Variants in SPOCK1 observed in about 807,000 individuals in gnomAD.
SPOCK1 encodes testican-1.
A neutral mutation model predicts 55.3 loss-of-function variants in SPOCK1; 23 were observed. That is an observed-to-expected ratio of 0.42 (90% CI 0.30 to 0.59). The LOEUF (loss-of-function observed/expected upper bound fraction) is 0.59, where lower values mean the gene tolerates loss of function less well. Ranked by LOEUF, SPOCK1 falls within the 20% of genes least tolerant of loss-of-function variation. The pLI is 0.22. For synonymous variants in SPOCK1, 226 were observed against 221.0 expected (o/e 1.02, Z -0.20); for missense variants, 499 against 552.5 (o/e 0.90, Z 0.97).
In SPOCK1 at chr5:136,975,417, G is replaced by A. The variant is rs912158439; in HGVS notation, c.*3237C>T. 6.6e-6 allele frequency: 1 copy of A among 152,624 alleles called. No homozygotes were observed. The highest frequency in any genetic ancestry group is 2.4e-5 in the African/African-American group (1 of 41,450). The allele number at this position is 152,624 out of a possible 1,614,324, so 9.5% of individuals were successfully genotyped here. On this transcript the variant is annotated 3_prime_UTR_variant, in exon 11 of 11. Transcript: ENST00000394945. ...ATTCCAGATAAGTCTACGTGGAAAAGCATTCAGAATTTACTAGGTTTTTGC... is the reference window on the plus strand; with the variant it reads ...ATTCCAGATAAGTCTACGTGGAAAAACATTCAGAATTTACTAGGTTTTTGC...
At chr5:136,982,813 TTAAG>T (rs1285925729) in intron 9 of SPOCK1, among the ~76,000 whole-genome samples, 1 of 152,198 alleles carries the variant, frequency 6.6e-6, no homozygotes, top group Non-Finnish European at 1.5e-5. Context: ...TTAGTGATAT[TTAAG>T]TGAGTCTGGG....
At chr5:137,330,028 A>G (rs1758141691) in intron 2 of SPOCK1, among the ~76,000 whole-genome samples, 1 of 152,204 alleles carries the variant, frequency 6.6e-6, no homozygotes, top group Non-Finnish European at 1.5e-5. Flanking sequence ...CATGGGAAGC[A>G]GACCTGAGAC....
chr5:137,268,197 C>G (rs1416603208), intron 2 of SPOCK1, among the ~76,000 whole-genome samples: 2 of 152,124 alleles, frequency 1.3e-5, no homozygotes, highest in African/African-American at 4.8e-5. Context: ...TTGAGTTCAC[C>G]TAGGCCCTTA....
chr5:137,488,384 A>C (rs371414902), intron 2 of SPOCK1, among the ~76,000 whole-genome samples: 2 of 152,164 alleles, frequency 1.3e-5, no homozygotes, highest in Admixed American at 6.5e-5. Flanking sequence ...CTTCAAAAAA[A>C]AAAGAATCAC....
chr5:137,425,982 AAG>A (rs1443043321), intron 2 of SPOCK1, among the ~76,000 whole-genome samples: 3 of 148,070 alleles, frequency 2.0e-5, no homozygotes, highest in Non-Finnish European at 4.5e-5. Context: ...AAAAAAAAAA[AAG>A]GTTGCCAGAA....
At chr5:136,988,369 G>A (rs773593001) in intron 8 of SPOCK1, 53 bp downstream of exon 8, 213 of 1,484,808 alleles carry the variant, frequency 1.4e-4, no homozygotes, top group Non-Finnish European at 1.8e-4. Context: ...GTCCTCCTCT[G>A]CTCCAGCAAG....
At chr5:137,272,553 C>T (rs1020691403) in intron 2 of SPOCK1, among the ~76,000 whole-genome samples, 2 of 152,152 alleles carry the variant, frequency 1.3e-5, no homozygotes, top group African/African-American at 4.8e-5. Flanking sequence ...TGTTTGTCTC[C>T]TCCCCATCTC....
intron 2 of SPOCK1, among the ~76,000 whole-genome samples, chr5:137,353,901 A>C (rs1277067406): frequency 6.6e-6 from 1 of 152,118 alleles, no homozygotes; most frequent in Non-Finnish European, 1.5e-5. Context: ...CTCCCTCTAC[A>C]GATACTTGCT....
chr5:137,092,700 G>C (rs558008864), intron 5 of SPOCK1, among the ~76,000 whole-genome samples: 2 of 152,336 alleles, frequency 1.3e-5, no homozygotes, highest in African/African-American at 4.8e-5. Context: ...CTGATGAATA[G>C]GAGAAAAGAT....
rs1156253291 is a variant in SPOCK1 at position 137,131,971 on chromosome 5, C to CAAAAA, written c.347+8604_347+8608dup. Among the ~76,000 whole-genome samples the CAAAAA allele has an allele frequency of 9.4e-3, 119 of 12,678 alleles. 2 individuals carry two copies. The highest frequency in any genetic ancestry group is 0.013 in the Non-Finnish European group (103 of 8,162). The allele number at this position is 12,678 out of a possible 152,430, so 8.3% of individuals were successfully genotyped here. A position where few individuals can be genotyped will look rare whatever the true frequency, so the allele number is the denominator to read the frequency against. On this transcript the variant is annotated intron_variant, in intron 4 of 10. Coordinates refer to ENST00000394945, the MANE Select transcript of SPOCK1 (RefSeq NM_004598.4). ...TGGGCGACAGAGCGAGACTCCGTCT[C>CAAAAA]AAAAAAAAAAAAAAAAAAATATATA...
chr5:137,492,437 C>A (rs1754203962), intron 2 of SPOCK1, among the ~76,000 whole-genome samples: 1 of 152,198 alleles, frequency 6.6e-6, no homozygotes, highest in African/African-American at 2.4e-5. Flanking sequence ...GAGACACACA[C>A]AAACCCCTAG....
At chr5:137,092,854 C>A (rs1205273811) in intron 5 of SPOCK1, among the ~76,000 whole-genome samples, 2 of 152,198 alleles carry the variant, frequency 1.3e-5, no homozygotes, top group East Asian at 3.9e-4. Flanking sequence ...TTACTTCTCA[C>A]AGTCACGGAG....
At chr5:137,179,849 G>T (rs1008969657) in intron 3 of SPOCK1, among the ~76,000 whole-genome samples, 21 of 152,156 alleles carry the variant, frequency 1.4e-4, no homozygotes, top group Admixed American at 1.2e-3. Context: ...ATTAAATGTA[G>T]ATGAGGTCTT....
At chr5:137,431,929 T>C (rs369251496) in intron 2 of SPOCK1, among the ~76,000 whole-genome samples, 17 of 152,200 alleles carry the variant, frequency 1.1e-4, no homozygotes, top group African/African-American at 3.6e-4. Context: ...ACAGTGCATG[T>C]AAAGAGTTTT....
At chr5:137,347,819 A>G (rs749468864) in intron 2 of SPOCK1, among the ~76,000 whole-genome samples, 1 of 152,064 alleles carries the variant, frequency 6.6e-6, no homozygotes, top group Non-Finnish European at 1.5e-5. Flanking sequence ...CCTCTGGCAC[A>G]GGCGTAACGT....
intron 2 of SPOCK1, among the ~76,000 whole-genome samples, chr5:137,475,110 G>T (rs1477353193): frequency 6.6e-6 from 1 of 152,136 alleles, no homozygotes; most frequent in Non-Finnish European, 1.5e-5. Flanking sequence ...AGACAAGGCG[G>T]CATGGCATCT....
intron 3 of SPOCK1, among the ~76,000 whole-genome samples, chr5:137,236,232 G>A (rs1004603952): frequency 1.3e-5 from 2 of 152,260 alleles, no homozygotes; most frequent in African/African-American, 4.8e-5. Flanking sequence ...GGGCCCTCTA[G>A]GCCCAGGAGA....
intron 3 of SPOCK1, among the ~76,000 whole-genome samples, chr5:137,217,457 T>G (rs1755740045): frequency 6.6e-6 from 1 of 152,184 alleles, no homozygotes; most frequent in Non-Finnish European, 1.5e-5. Flanking sequence ...CAGCCTCCGT[T>G]TCCCATCTGT....
intron 2 of SPOCK1, among the ~76,000 whole-genome samples, chr5:137,396,517 C>T (rs1751851395): frequency 6.6e-6 from 1 of 152,174 alleles, no homozygotes; most frequent in Admixed American, 6.5e-5. Flanking sequence ...GACTGTGGTA[C>T]CCACAAATCT....
Sources: gnomAD v4.1 joint callset for allele counts (sites outside exome capture counted in the v4.1 genomes callset) on GRCh38, gnomAD v4.1.1 for gene constraint, MANE v1.5 for transcripts, NCBI Gene and HGNC (gene_info 2026-07-23, HGNC 2026-07-21) for gene names.